The following SPECC1L variants were observed in gnomAD, a reference collection of about 807,000 sequenced individuals.
SPECC1L encodes the protein sperm antigen with calponin homology and coiled-coil domains 1 like, also known as cytospin-A.
Under a neutral mutation model 116.8 loss-of-function variants are expected in SPECC1L, and 40 were observed. That is an observed-to-expected ratio of 0.34 (90% CI 0.27 to 0.45). The LOEUF is 0.45. Ranked by LOEUF, SPECC1L falls within the 20% of genes least tolerant of loss-of-function variation. SPECC1L has a pLI of 1.00. For missense variants in SPECC1L, 1,110 were observed against 1,373.6 expected, an observed-to-expected ratio of 0.81 and a Z score of 3.03; for synonymous variants, 504 against 500.6, an observed-to-expected ratio of 1.01 and a Z score of -0.09.
chr22:24,276,220 A>G (rs2048833646), intron 1 of SPECC1L, among the ~76,000 whole-genome samples: 1 of 152,102 alleles, frequency 6.6e-6, no homozygotes, highest in Non-Finnish European at 1.5e-5. Flanking sequence ...GTACAGATAA[A>G]CATTTTATAA....
chr22:24,355,490 A>T (rs1228239624), intron 11 of SPECC1L, among the ~76,000 whole-genome samples: 5 of 151,554 alleles, frequency 3.3e-5, no homozygotes, highest in Admixed American at 2.0e-4. Context: ...TACCTATCTA[A>T]CTATCTTATT....
chr22:24,279,109 T>C (rs1179792124), intron 2 of SPECC1L, among the ~76,000 whole-genome samples: 1 of 152,198 alleles, frequency 6.6e-6, no homozygotes, highest in Non-Finnish European at 1.5e-5. Context: ...AAGAGTCTTG[T>C]TTTCTCCCTG....
At chr22:24,329,715 T>G (rs538172281) in intron 7 of SPECC1L, among the ~76,000 whole-genome samples, 1 of 152,260 alleles carries the variant, frequency 6.6e-6, no homozygotes, top group East Asian at 1.9e-4. Flanking sequence ...ACCACGTAGT[T>G]CCTTACCGCC....
chr22:24,293,309 G>A (rs1490202752), intron 2 of SPECC1L, among the ~76,000 whole-genome samples: 3 of 151,912 alleles, frequency 2.0e-5, no homozygotes, highest in Admixed American at 1.3e-4. Flanking sequence ...AAAAATTAAC[G>A]GGGCGTGGTG....
chr22:24,361,025 T>G (rs533193193), intron 11 of SPECC1L, among the ~76,000 whole-genome samples: 1 of 152,330 alleles, frequency 6.6e-6, no homozygotes, highest in East Asian at 1.9e-4. Flanking sequence ...ACATCCCATC[T>G]TTATTAAGCT....
intron 14 of SPECC1L, among the ~76,000 whole-genome samples, chr22:24,369,732 G>A (rs549975337): frequency 6.6e-6 from 1 of 152,328 alleles, no homozygotes; most frequent in South Asian, 2.1e-4. Flanking sequence ...TCACTTGGGT[G>A]AAATAAGTTT....
chr22:24,412,975 A>G (rs918585204), intron 16 of SPECC1L, among the ~76,000 whole-genome samples: 2 of 152,204 alleles, frequency 1.3e-5, no homozygotes, highest in African/African-American at 4.8e-5. Flanking sequence ...CCATGGGCCC[A>G]GCCAACCTTC....
At chr22:24,385,041 G>A (rs190436139) in intron 14 of SPECC1L, among the ~76,000 whole-genome samples, 2 of 146,172 alleles carry the variant, frequency 1.4e-5, no homozygotes, top group East Asian at 4.0e-4. Flanking sequence ...CCACCCTGGG[G>A]CACAAAGCGA....
At chr22:24,338,110 T>A (rs1013507862) in intron 9 of SPECC1L, among the ~76,000 whole-genome samples, 3 of 152,178 alleles carry the variant, frequency 2.0e-5, no homozygotes, top group African/African-American at 7.2e-5. Context: ...TTTAACTACA[T>A]AACATAATTA....
At chr22:24,345,247 C>G (rs1024295609) in intron 10 of SPECC1L, among the ~76,000 whole-genome samples, 1 of 151,882 alleles carries the variant, frequency 6.6e-6, no homozygotes, top group African/African-American at 2.4e-5. Flanking sequence ...TCTGAAATGA[C>G]TAGATAACTG....
intron 11 of SPECC1L, among the ~76,000 whole-genome samples, chr22:24,353,821 T>G (rs1285180504): frequency 2.0e-5 from 3 of 152,260 alleles, no homozygotes; most frequent in Non-Finnish European, 4.4e-5. Flanking sequence ...TTAAATTAAC[T>G]TTGTTCACTT....
intron 11 of SPECC1L, among the ~76,000 whole-genome samples, chr22:24,355,410 CAT>C (rs1211152914): frequency 3.9e-5 from 6 of 151,916 alleles, no homozygotes; most frequent in African/African-American, 9.7e-5. Flanking sequence ...TGTACCAACT[CAT>C]GTGTATACAC....
rs903323923 is a variant in SPECC1L, at chr22:24,373,910, A to G, written c.3087+4590A>G. On this transcript the variant is annotated intron_variant, in intron 14 of 16. Transcript: ENST00000314328. ...GGGCTAATATCCAGAATCTACAATG[A>G]ACTCAAACAAATATACAAGAAAAAA... Among the ~76,000 whole-genome samples the G allele has an allele frequency of 9.2e-5, 14 of 152,310 alleles. No individual in the cohort carries two copies. The South Asian group carries it at 1.5e-3, about 16-fold the overall frequency.
At chr22:24,396,371 C>T (rs139050283) in intron 14 of SPECC1L, among the ~76,000 whole-genome samples, 8,654 of 151,908 alleles carry the variant, frequency 0.057, 363 homozygotes, top group Non-Finnish European at 0.09. Flanking sequence ...TGCATTGGCT[C>T]ACTGCAACCT....
At chr22:24,405,043 C>A (rs1056191295) in intron 14 of SPECC1L, among the ~76,000 whole-genome samples, 1 of 152,186 alleles carries the variant, frequency 6.6e-6, no homozygotes, top group Non-Finnish European at 1.5e-5. Flanking sequence ...GTATGCCAAT[C>A]CTGATAAGAT....
chr22:24,276,171 G>C (rs2048832663), intron 1 of SPECC1L, among the ~76,000 whole-genome samples: 1 of 152,136 alleles, frequency 6.6e-6, no homozygotes, highest in Non-Finnish European at 1.5e-5. Context: ...GAGGCCGAGA[G>C]TTCGAGACCA....
intron 14 of SPECC1L, among the ~76,000 whole-genome samples, chr22:24,395,870 G>A (rs1173836589): frequency 6.6e-6 from 1 of 152,034 alleles, no homozygotes; most frequent in African/African-American, 2.4e-5. Flanking sequence ...CGAACTCTTG[G>A]CCTCAAGCAG....
In SPECC1L at chr22:24,311,792, G is replaced by A. The variant is rs561198735; in HGVS notation, c.154-1521G>A. ...TGCACTCCAGCCTCGGTGACAGAGT[G>A]AGACTTTGTCTCAAAAAAAAAAAAA... On this transcript the variant is annotated intron_variant, in intron 3 of 16. Coordinates refer to ENST00000314328, the MANE Select transcript of SPECC1L (RefSeq NM_015330.6). Among the ~76,000 whole-genome samples the A allele has an allele frequency of 3.3e-3, 413 of 124,514 alleles. 2 individuals are homozygous for A. Among genetic ancestry groups the A allele is most frequent in the Middle Eastern group, 0.021 (4 of 192 alleles). 81.7% of individuals were successfully genotyped at this position (124,514 alleles called of 152,430 possible).
At chr22:24,365,369 C>T in intron 12 of SPECC1L, 107 bp from the exon 13 acceptor site, 1 of 1,028,050 alleles carries the variant, frequency 9.7e-7, no homozygotes, top group Non-Finnish European at 1.5e-6. Flanking sequence ...AGTTTTTCCT[C>T]CTGTATGGTA....
Sources: allele counts gnomAD v4.1 joint callset (sites outside exome capture counted in the v4.1 genomes callset), GRCh38; gene constraint gnomAD v4.1.1; transcripts MANE v1.5; gene names NCBI Gene and HGNC (gene_info 2026-07-23, HGNC 2026-07-21).